Variants in TET1 observed in about 807,000 individuals in gnomAD.
TET1 encodes tet methylcytosine dioxygenase 1, also known as methylcytosine dioxygenase TET1.
TET1 carries 13 observed loss-of-function variants against 148.7 expected under a neutral mutation model. The ratio of observed to expected loss-of-function variants is 0.09; its 90% CI spans 0.06 to 0.14. The LOEUF (loss-of-function observed/expected upper bound fraction) is 0.14, where lower values mean the gene tolerates loss of function less well. Among genes scored for constraint, TET1 ranks in the 10% least tolerant of loss-of-function variants. TET1 has a pLI of 1.00. For missense variants in TET1, 2,182 were observed against 2,553.8 expected (o/e 0.85, Z 3.14); for synonymous variants, 907 against 937.2 (o/e 0.97, Z 0.59).
intron 2 of TET1, among the ~76,000 whole-genome samples, chr10:68,592,429 TC>T (rs2053929268): frequency 6.6e-6 from 1 of 152,202 alleles, no homozygotes; most frequent in South Asian, 2.1e-4. Context: ...TTGATAATCG[TC>T]TTAACAGGAG....
In TET1 at chr10:68,629,670, T is replaced by A. The variant is rs552403254; in HGVS notation, c.1969-15028T>A. Among the ~76,000 whole-genome samples, 527 of 151,902 alleles carry A rather than the reference T, an allele frequency of 3.5e-3. 2 individuals are homozygous for A. Among genetic ancestry groups the A allele is most frequent in the Admixed American group, 5.7e-3 (87 of 15,228 alleles). On this transcript the variant is annotated intron_variant, in intron 3 of 11. Coordinates refer to ENST00000373644, the MANE Select transcript of TET1 (RefSeq NM_030625.3). The stretch of plus-strand genomic sequence containing the variant: ...TGCCTCGGCCTCCCCTCCCAGTAGT[T>A]GGGACTACAGGTGCCTGCCACCACA...
intron 6 of TET1, among the ~76,000 whole-genome samples, chr10:68,657,302 G>A (rs1009325175): frequency 4.6e-5 from 7 of 151,814 alleles, no homozygotes; most frequent in Non-Finnish European, 8.8e-5. Context: ...TCAGCCTCCC[G>A]AGTAGCTAGG....
Position 68,691,115 on chromosome 10 carries a change from T to G in TET1, c.5712T>G (p.Leu1904=), listed in dbSNP as rs764767801. 6.8e-6 allele frequency: 11 copies of G among 1,614,216 alleles called. No homozygotes were observed. In the Admixed American group the frequency reaches 1.8e-4, roughly 27 times the overall value. Residue 1904 remains leucine, a synonymous_variant, in exon 12 of 12, where the codon CTT becomes CTG. Coordinates refer to ENST00000373644, the MANE Select transcript of TET1 (RefSeq NM_030625.3). The surrounding 1 kb of genome is among the most constrained non-coding windows in gnomAD (Gnocchi z 4.4). The stretch of plus-strand genomic sequence containing the variant: ...CTGATGGCCCTGGCATTTCACAGCT[T>G]GGCGAAGTGGCTCCTCTCCCCACCC... ...AAADGPGISQ[L]GEVAPLPTLS... is the part of the protein sequence containing the mutation.
chr10:68,616,214 C>T (rs563640712), intron 3 of TET1, among the ~76,000 whole-genome samples: 1 of 152,294 alleles, frequency 6.6e-6, no homozygotes, highest in Admixed American at 6.5e-5. Context: ...ACCAATTGTC[C>T]TAATACCTTG....
At position 68,644,726 on chromosome 10, in the gene TET1, G is replaced by A; in HGVS notation, c.1997G>A (p.Gly666Asp). The change falls in exon 4 of 12, where the codon GGC becomes GAC. Residue 666 changes from glycine (G) to aspartate (D), a missense_variant. Coordinates refer to ENST00000373644, the MANE Select transcript of TET1 (RefSeq NM_030625.3). ...KADFDNKPVN[G>D]PKSESMDYSR... ...GATTTTGACAACAAACCAGTAAATG[G>A]CCCCAAGTCAGAATCCATGGACTAC... The A allele has an allele frequency of 6.4e-7, 1 of 1,574,426 alleles. No individual in the cohort carries two copies. Among genetic ancestry groups the A allele is most frequent in the Non-Finnish European group, 8.6e-7 (1 of 1,163,682 alleles).
At position 68,654,125 on chromosome 10, in the gene TET1, A is replaced by AG. The variant is rs60016164; in HGVS notation, c.4461+1532dup. The stretch of plus-strand genomic sequence containing the variant: ...TGTCTCCAAAAAAAAAAAAAAAAAA[A>AG]GCATGGATTGTCAGGGAATGCCTTT... On this transcript the variant is annotated intron_variant, in intron 6 of 11. Coordinates refer to ENST00000373644, the MANE Select transcript of TET1 (RefSeq NM_030625.3). Among the ~76,000 whole-genome samples, 626 of 147,750 alleles carry AG rather than the reference A, an allele frequency of 4.2e-3. 9 individuals are homozygous for AG. The highest frequency in any genetic ancestry group is 0.015 in the African/African-American group (597 of 39,298).
intron 1 of TET1, among the ~76,000 whole-genome samples, chr10:68,560,999 C>T (rs1217818607): frequency 2.0e-5 from 3 of 152,178 alleles, no homozygotes; most frequent in Non-Finnish European, 2.9e-5. Context: ...CCGGAGGCCC[C>T]GCCACAGCGC....
intron 2 of TET1, among the ~76,000 whole-genome samples, chr10:68,576,925 T>C (rs2053737750): frequency 6.6e-6 from 1 of 151,300 alleles, no homozygotes; most frequent in South Asian, 2.1e-4. Context: ...TATTTTTTTT[T>C]TTTGAGAGAG....
chr10:68,561,250 C>CT (rs1393729410), intron 1 of TET1, among the ~76,000 whole-genome samples: 1 of 152,050 alleles, frequency 6.6e-6, no homozygotes, highest in Non-Finnish European at 1.5e-5. Context: ...AACAAGTTTT[C>CT]TCCCTCCCCC....
intron 3 of TET1, among the ~76,000 whole-genome samples, chr10:68,642,071 T>TA (rs2054764788): frequency 1.3e-5 from 2 of 152,220 alleles, no homozygotes; most frequent in African/African-American, 4.8e-5. Flanking sequence ...TAATTGGAGT[T>TA]ATCATTCTTT....
Position 68,573,102 on chromosome 10 carries a change from G to C in TET1, c.764G>C (p.Arg255Thr). 6.2e-7 allele frequency: 1 copy of C among 1,614,078 alleles called. No individual in the cohort carries two copies. Among genetic ancestry groups the C allele is most frequent in the Non-Finnish European group, 8.5e-7 (1 of 1,180,014 alleles). Residue 255 changes from arginine (R) to threonine (T), a missense_variant, in exon 2 of 12, where the codon AGA (arginine) becomes ACA (threonine). Physicochemically the swap from Arg to Thr is moderately conservative, Grantham distance 71 (BLOSUM62 -1). Coordinates refer to ENST00000373644, the MANE Select transcript of TET1 (RefSeq NM_030625.3). ...ACAGTGTGTGCTCCTTTTCCCCAAA[G>C]AGCAACCCCCAAAGTTACCTCTCAA... ...QDTVCAPFPQ[R>T]ATPKVTSQGN...
At chr10:68,561,710 C>G (rs2053555877) in intron 1 of TET1, among the ~76,000 whole-genome samples, 2 of 145,370 alleles carry the variant, frequency 1.4e-5, no homozygotes, top group Admixed American at 1.4e-4. Context: ...CTCCCTCTCC[C>G]CCGCTCCGGT....
chr10:68,595,983 T>TAC (rs773605594), intron 2 of TET1, among the ~76,000 whole-genome samples: 2,761 of 49,624 alleles, frequency 0.056, 167 homozygotes, highest in Middle Eastern at 0.091. Context: ...CACACATATA[T>TAC]ACACACACAC....
chr10:68,594,907 A>G (rs2053960128), intron 2 of TET1, among the ~76,000 whole-genome samples: 1 of 149,652 alleles, frequency 6.7e-6, no homozygotes, highest in Non-Finnish European at 1.5e-5. Flanking sequence ...TGAACCCGGG[A>G]GGCGGAGGTT....
At chr10:68,589,393 A>T (rs1451167263) in intron 2 of TET1, among the ~76,000 whole-genome samples, 1 of 152,170 alleles carries the variant, frequency 6.6e-6, no homozygotes, top group Non-Finnish European at 1.5e-5. Context: ...GCATGGAGCT[A>T]GCCTATCCCA....
chr10:68,565,475 A>AAAATATAT (rs1388182777), intron 1 of TET1, among the ~76,000 whole-genome samples: 145 of 129,208 alleles, frequency 1.1e-3, no homozygotes, highest in East Asian at 3.4e-3. Context: ...AAAAAAAAAA[A>AAAATATAT]ATATATATAT....
chr10:68,572,657 C>G lies in TET1; in HGVS notation c.319C>G (p.Arg107Gly), dbSNP rs771320434. 6.2e-7 allele frequency: 1 copy of G among 1,614,060 alleles called. No individual in the cohort carries two copies. Among genetic ancestry groups the G allele is most frequent in the Non-Finnish European group, 8.5e-7 (1 of 1,180,008 alleles). Residue 107 changes from arginine (R) to glycine (G), a missense_variant, in exon 2 of 12, where the codon CGA (arginine) becomes GGA (glycine). Around this residue, in one of 11 missense-constraint regions of TET1, gnomAD observed 665 missense variants for 672.4 expected, o/e 0.99. Transcript: ENST00000373644. ...CTGCAATGGGTTTACAATGGCGCTA[C>G]GAAGCACCTCTCTTAGCAGGCGACT... ...LTCNGFTMAL[R>G]STSLSRRLSQ...
rs992591728 is a variant in TET1 at position 68,597,329 on chromosome 10, C to T, written c.1915-3652C>T. Among the ~76,000 whole-genome samples the T allele has an allele frequency of 9.2e-5, 14 of 152,170 alleles. No individual in the cohort carries two copies. The East Asian group carries it at 1.5e-3, about 17-fold the overall frequency. On this transcript the variant is annotated intron_variant, in intron 2 of 11. Coordinates refer to ENST00000373644, the MANE Select transcript of TET1 (RefSeq NM_030625.3). Reference sequence around the variant, plus strand: ...GATTACAGGCGTGAGCTACCACGCCCGGCTGATCGACTTAAATTATACAAT... The same window carrying T: ...GATTACAGGCGTGAGCTACCACGCCTGGCTGATCGACTTAAATTATACAAT...
intron 2 of TET1, among the ~76,000 whole-genome samples, chr10:68,588,779 C>G (rs2053887219): frequency 6.6e-6 from 1 of 151,542 alleles, no homozygotes; most frequent in African/African-American, 2.4e-5. Context: ...TAACTCTTTC[C>G]ATTTTTAATT....
Sources: gnomAD v4.1 joint callset for allele counts (sites outside exome capture counted in the v4.1 genomes callset) on GRCh38, gnomAD v4.1.1 for gene constraint, gnomAD v4.1.1 regional missense constraint, Gnocchi (gnomAD v3.1) non-coding constraint, MANE v1.5 for transcripts, NCBI Gene and HGNC (gene_info 2026-07-23, HGNC 2026-07-21) for gene names.